Variants in GNA12 observed in about 807,000 individuals in gnomAD.
GNA12 encodes the protein G protein subunit alpha 12.
In GNA12, 9 loss-of-function variants were observed where a neutral mutation model predicts 26.0. The observed-to-expected ratio is 0.35, with a 90% CI of 0.21 to 0.60. The LOEUF is 0.60. Ranked by LOEUF, GNA12 falls within the 20% of genes least tolerant of loss-of-function variation. The pLI is 0.78. For missense variants in GNA12, 405 were observed against 525.8 expected, an observed-to-expected ratio of 0.77 and a Z score of 2.25; for synonymous variants, 264 against 219.6, an observed-to-expected ratio of 1.20 and a Z score of -1.79.
intron 1 of GNA12, among the ~76,000 whole-genome samples, chr7:2,815,957 C>T (rs1438950563): frequency 2.0e-5 from 3 of 152,346 alleles, no homozygotes; most frequent in African/African-American, 7.2e-5. Flanking sequence ...CCATGAGAAG[C>T]AATGGTTGAC....
At chr7:2,829,029 C>T (rs1471894304) in intron 1 of GNA12, among the ~76,000 whole-genome samples, 1 of 150,640 alleles carries the variant, frequency 6.6e-6, no homozygotes, top group African/African-American at 2.4e-5. Flanking sequence ...GCCAAGATCA[C>T]ATCACTGCAC....
intron 2 of GNA12, among the ~76,000 whole-genome samples, chr7:2,745,795 C>T (rs1358444807): frequency 1.7e-4 from 26 of 152,126 alleles, no homozygotes; most frequent in Non-Finnish European, 8.8e-5. Flanking sequence ...CAGAGACACA[C>T]ATAGGCTCAA....
At chr7:2,806,074 C>T (rs1792939076) in intron 1 of GNA12, among the ~76,000 whole-genome samples, 1 of 151,960 alleles carries the variant, frequency 6.6e-6, no homozygotes, top group Admixed American at 6.6e-5. Flanking sequence ...TTCTTTCGTT[C>T]TTTCTCCTTA....
chr7:2,829,274 C>T (rs1793549655), intron 1 of GNA12, among the ~76,000 whole-genome samples: 1 of 152,154 alleles, frequency 6.6e-6, no homozygotes, highest in Non-Finnish European at 1.5e-5. Context: ...GGAAATCCTC[C>T]ACCCATATTT....
chr7:2,767,864 T>G (rs1237824085), intron 2 of GNA12, among the ~76,000 whole-genome samples: 2 of 152,210 alleles, frequency 1.3e-5, no homozygotes, highest in African/African-American at 2.4e-5. Context: ...TTTTATTTTA[T>G]TTTAGTTTTT....
At chr7:2,732,739 G>A (rs1354567919) in intron 3 of GNA12, among the ~76,000 whole-genome samples, 12 of 152,142 alleles carry the variant, frequency 7.9e-5, no homozygotes, top group Admixed American at 7.2e-4. Context: ...AGGGGTGGAA[G>A]AGCAAAGTCC....
intron 2 of GNA12, among the ~76,000 whole-genome samples, chr7:2,738,771 C>T (rs1189322236): frequency 6.6e-6 from 1 of 152,096 alleles, no homozygotes; most frequent in South Asian, 2.1e-4. Context: ...AGCAAATGAA[C>T]CCAATAGGAC....
At chr7:2,808,641 C>T (rs537671425) in intron 1 of GNA12, among the ~76,000 whole-genome samples, 1 of 152,354 alleles carries the variant, frequency 6.6e-6, no homozygotes, top group East Asian at 1.9e-4. Context: ...TTCTACCTTC[C>T]AGAGACAGCT....
intron 1 of GNA12, among the ~76,000 whole-genome samples, chr7:2,810,479 A>G (rs1793054856): frequency 6.6e-6 from 1 of 152,210 alleles, no homozygotes; most frequent in Non-Finnish European, 1.5e-5. Context: ...TAATAACAGT[A>G]TTAGTAATAC....
At chr7:2,762,516 T>A in intron 2 of GNA12, 1 of 1,038,664 alleles carries the variant, frequency 9.6e-7, no homozygotes, top group Non-Finnish European at 1.4e-6. Flanking sequence ...AACTGTGGAC[T>A]ACAAAAGCAG....
chr7:2,838,349 G>C (rs1778897464), intron 1 of GNA12, among the ~76,000 whole-genome samples: 1 of 151,242 alleles, frequency 6.6e-6, no homozygotes, highest in Non-Finnish European at 1.5e-5. Flanking sequence ...GCTGAGGCAG[G>C]AGGATGGCTT....
chr7:2,793,208 G>C (rs1792564217), intron 2 of GNA12, among the ~76,000 whole-genome samples: 1 of 152,178 alleles, frequency 6.6e-6, no homozygotes, highest in Admixed American at 6.5e-5. Flanking sequence ...GAGCTATCAT[G>C]GACTGCAAGA....
chr7:2,791,432 T>C (rs1400527080), intron 2 of GNA12, among the ~76,000 whole-genome samples: 1 of 150,926 alleles, frequency 6.6e-6, no homozygotes, highest in Non-Finnish European at 1.5e-5. Context: ...ACCCTGCTCC[T>C]CTCAGAGGAG....
intron 1 of GNA12, among the ~76,000 whole-genome samples, chr7:2,795,503 G>C (rs914249404): frequency 5.3e-5 from 8 of 151,936 alleles, no homozygotes; most frequent in African/African-American, 1.9e-4. Context: ...GCTGGGCTTG[G>C]TGGTGGCACA....
At chr7:2,843,146 C>T (rs749440003) in intron 1 of GNA12, among the ~76,000 whole-genome samples, 4 of 151,942 alleles carry the variant, frequency 2.6e-5, no homozygotes, top group Non-Finnish European at 4.4e-5. Context: ...GGCTGGTTCC[C>T]GTCCAGTCTC....
chr7:2,810,365 C>T (rs567029835), intron 1 of GNA12, among the ~76,000 whole-genome samples: 1 of 152,030 alleles, frequency 6.6e-6, no homozygotes, highest in East Asian at 1.9e-4. Flanking sequence ...CTCATCACTC[C>T]CCAAAGGCCC....
intron 2 of GNA12, 47 bp downstream of exon 2, chr7:2,794,881 T>A: frequency 7.4e-7 from 1 of 1,354,034 alleles, no homozygotes; most frequent in Admixed American, 1.7e-5. Context: ...AATAGTCATG[T>A]AAAAAACACA....
intron 2 of GNA12, among the ~76,000 whole-genome samples, chr7:2,773,245 A>G (rs1296032106): frequency 6.6e-6 from 1 of 152,226 alleles, no homozygotes; most frequent in Non-Finnish European, 1.5e-5. Flanking sequence ...TGCATTTTGC[A>G]CACAGAAATT....
intron 1 of GNA12, among the ~76,000 whole-genome samples, chr7:2,819,952 A>G (rs538262703): frequency 6.6e-6 from 1 of 152,320 alleles, no homozygotes; most frequent in African/African-American, 2.4e-5. Flanking sequence ...CATTCATAAC[A>G]CACAAAAGAT....
Sources: allele counts gnomAD v4.1 joint callset (sites outside exome capture counted in the v4.1 genomes callset), GRCh38; gene constraint gnomAD v4.1.1; transcripts MANE v1.5; gene names NCBI Gene and HGNC (gene_info 2026-07-23, HGNC 2026-07-21).